The following HCRTR2 variants were observed in gnomAD, a reference collection of about 807,000 sequenced individuals.
HCRTR2 encodes the protein orexin receptor type 2.
HCRTR2 carries 22 observed loss-of-function variants against 49.0 expected under a neutral mutation model. The ratio of observed to expected loss-of-function variants is 0.45; its 90% CI spans 0.32 to 0.64. The LOEUF is 0.64. Ranked by LOEUF, HCRTR2 falls within the 30% of genes least tolerant of loss-of-function variation. The probability of loss-of-function intolerance (pLI) is 0.04; values close to 1 mark genes in which losing one functional copy is unlikely to be tolerated. For synonymous variants in HCRTR2, 236 were observed against 205.3 expected, an observed-to-expected ratio of 1.15 and a Z score of -1.28; for missense variants, 491 against 559.4, an observed-to-expected ratio of 0.88 and a Z score of 1.23.
intron 4 of HCRTR2, among the ~76,000 whole-genome samples, chr6:55,271,362 C>T (rs966626577): frequency 6.6e-6 from 1 of 152,004 alleles, no homozygotes; most frequent in Non-Finnish European, 1.5e-5. Context: ...TGGAGTTGAA[C>T]CTCACCTCAC....
intron 1 of HCRTR2, among the ~76,000 whole-genome samples, chr6:55,227,059 A>G (rs1202366319): frequency 2.0e-5 from 3 of 152,200 alleles, no homozygotes; most frequent in Non-Finnish European, 2.9e-5. Flanking sequence ...TCAGCATAAC[A>G]TAGTAATACA....
At chr6:55,121,902 G>A (rs1295793516) in intron 1 of HCRTR2, among the ~76,000 whole-genome samples, 1 of 151,690 alleles carries the variant, frequency 6.6e-6, no homozygotes, top group Non-Finnish European at 1.5e-5. Context: ...TGTTCGTCAG[G>A]GATATTGTTC....
chr6:55,189,789 T>G (rs1765285941), intron 1 of HCRTR2, among the ~76,000 whole-genome samples: 1 of 152,170 alleles, frequency 6.6e-6, no homozygotes. Flanking sequence ...ATCCCAGAAC[T>G]TAAAATAAAA....
intron 1 of HCRTR2, among the ~76,000 whole-genome samples, chr6:55,204,766 C>T (rs934203592): frequency 6.6e-6 from 1 of 151,964 alleles, no homozygotes; most frequent in Non-Finnish European, 1.5e-5. Context: ...CAAATCCTCT[C>T]CCCTGCCTTC....
intron 1 of HCRTR2, among the ~76,000 whole-genome samples, chr6:55,114,648 A>G (rs1444648389): frequency 1.3e-5 from 2 of 151,892 alleles, no homozygotes; most frequent in Non-Finnish European, 2.9e-5. Flanking sequence ...TTTGCTGTCT[A>G]TACAATAGTT....
intron 6 of HCRTR2, 152 bp downstream of exon 6, chr6:55,280,596 A>G (rs1767171443): frequency 3.0e-6 from 3 of 1,009,976 alleles, no homozygotes; most frequent in African/African-American, 1.6e-5. Flanking sequence ...CTTTTGAGGC[A>G]AAGTATTTGT....
At chr6:55,263,368 T>A (rs1766803816) in intron 3 of HCRTR2, among the ~76,000 whole-genome samples, 1 of 152,072 alleles carries the variant, frequency 6.6e-6, no homozygotes, top group Admixed American at 6.6e-5. Flanking sequence ...CAACCCAAAT[T>A]AATTTTGTTA....
At chr6:55,172,082 G>A (rs1764958791), upstream of HCRTR2, among the ~76,000 whole-genome samples, 1 of 152,140 alleles carries the variant, frequency 6.6e-6, no homozygotes, top group South Asian at 2.1e-4. Flanking sequence ...CTTGAACAAA[G>A]CCACAGAAGG....
chr6:55,214,229 A>T (rs1765746736), intron 1 of HCRTR2, among the ~76,000 whole-genome samples: 1 of 151,604 alleles, frequency 6.6e-6, no homozygotes, highest in African/African-American at 2.4e-5. Context: ...AATTTGCAAA[A>T]AAAGAATAGA....
At chr6:55,189,278 A>T (rs982602449) in intron 1 of HCRTR2, among the ~76,000 whole-genome samples, 1 of 152,210 alleles carries the variant, frequency 6.6e-6, no homozygotes, top group Admixed American at 6.5e-5. Flanking sequence ...GTAAGAACGG[A>T]TTAAAGTTAT....
At chr6:55,129,248 T>C (rs9396048) in intron 1 of HCRTR2, among the ~76,000 whole-genome samples, 3,744 of 152,234 alleles carry the variant, frequency 0.025, 63 homozygotes, top group East Asian at 0.056. Flanking sequence ...TGGATCAAAA[T>C]GTTGACTAAT....
At chr6:55,243,228 C>G (rs1766368686) in intron 1 of HCRTR2, among the ~76,000 whole-genome samples, 1 of 152,198 alleles carries the variant, frequency 6.6e-6, no homozygotes, top group African/African-American at 2.4e-5. Context: ...AATCTGCATT[C>G]TTGCCTTCTG....
intron 1 of HCRTR2, among the ~76,000 whole-genome samples, chr6:55,169,168 A>G (rs1479758995): frequency 2.0e-5 from 3 of 151,892 alleles, no homozygotes; most frequent in African/African-American, 7.3e-5. Flanking sequence ...ACACTGAATA[A>G]GACAGGAAGA....
chr6:55,215,811 A>G (rs1765776710), intron 1 of HCRTR2, among the ~76,000 whole-genome samples: 1 of 152,244 alleles, frequency 6.6e-6, no homozygotes, highest in Non-Finnish European at 1.5e-5. Context: ...ACCTACAGGT[A>G]ATAAACAAAA....
In HCRTR2 at chr6:55,279,280, C is replaced by T. The variant is rs550132054; in HGVS notation, c.984-1043C>T. Among the ~76,000 whole-genome samples, 19 of 151,916 alleles carry T rather than the reference C, an allele frequency of 1.3e-4. 1 individual carries two copies. The South Asian group carries it at 4.0e-3, about 32-fold the overall frequency. Reference sequence around the variant, plus strand: ...CCACAAAAACCATTCCTAGCTTTTTCTCCTTAAAACTTAACTTTTTGCCGA... The same window carrying T: ...CCACAAAAACCATTCCTAGCTTTTTTTCCTTAAAACTTAACTTTTTGCCGA... On this transcript the variant is annotated intron_variant, in intron 5 of 6. Transcript: ENST00000370862.
At chr6:55,217,119 C>T (rs755667332) in intron 1 of HCRTR2, among the ~76,000 whole-genome samples, 2 of 152,076 alleles carry the variant, frequency 1.3e-5, no homozygotes, top group Non-Finnish European at 2.9e-5. Context: ...CCTGAGCAGC[C>T]CTGGGCAGCA....
intron 1 of HCRTR2, among the ~76,000 whole-genome samples, chr6:55,169,204 T>A (rs1345202718): frequency 6.6e-6 from 1 of 151,880 alleles, no homozygotes; most frequent in Non-Finnish European, 1.5e-5. Context: ...CAACATAAGA[T>A]AGGCATATAA....
intron 1 of HCRTR2, among the ~76,000 whole-genome samples, chr6:55,209,283 G>T (rs972497916): frequency 2.6e-5 from 4 of 152,118 alleles, no homozygotes; most frequent in African/African-American, 9.7e-5. Context: ...AGGTTTATTG[G>T]TCAGGAAAAA....
downstream of HCRTR2, among the ~76,000 whole-genome samples, chr6:55,282,871 A>G (rs1249134886): frequency 6.6e-6 from 1 of 152,104 alleles, no homozygotes; most frequent in Non-Finnish European, 1.5e-5. Flanking sequence ...TTAACAATAG[A>G]CATGTTAGTT....
Sources: gnomAD v4.1 joint callset for allele counts (sites outside exome capture counted in the v4.1 genomes callset) on GRCh38, gnomAD v4.1.1 for gene constraint, MANE v1.5 for transcripts, NCBI Gene and HGNC (gene_info 2026-07-23, HGNC 2026-07-21) for gene names.